MARCHF6: variants seen among roughly 807,000 people sequenced by gnomAD.
MARCHF6 encodes E3 ubiquitin-protein ligase MARCHF6.
A neutral mutation model predicts 133.7 loss-of-function variants in MARCHF6; 31 were observed. That is an observed-to-expected ratio of 0.23 (90% CI 0.17 to 0.31). MARCHF6 has a LOEUF of 0.31. Ranked by LOEUF, MARCHF6 falls within the 10% of genes least tolerant of loss-of-function variation. The pLI, the probability that MARCHF6 is intolerant of heterozygous loss-of-function variation, is 1.00. For missense variants in MARCHF6, 723 were observed against 1,121.6 expected (o/e 0.64, Z 5.08); for synonymous variants, 395 against 402.5 (o/e 0.98, Z 0.22).
At chr5:10,417,515 G>A in intron 22 of MARCHF6, 111 bp downstream of exon 22, 2 of 1,381,678 alleles carry the variant, frequency 1.4e-6, no homozygotes, top group Non-Finnish European at 2.0e-6. Flanking sequence ...GGAGGCTGAG[G>A]TGGGAGGACT....
intron 10 of MARCHF6, among the ~76,000 whole-genome samples, chr5:10,398,739 T>C (rs1738340168): frequency 6.6e-6 from 1 of 152,190 alleles, no homozygotes; most frequent in Admixed American, 6.5e-5. Flanking sequence ...CAAATCTAAG[T>C]AAAGCTTTTT....
rs2126407756 is a variant in MARCHF6, at chr5:10,438,858, CA to C, written c.*5175del. The C allele has an allele frequency of 6.6e-6, 1 of 152,360 alleles. No individual in the cohort carries two copies. The highest frequency in any genetic ancestry group is 2.4e-5 in the African/African-American group (1 of 41,564). 9.4% of individuals were successfully genotyped at this position (152,360 alleles called of 1,614,324 possible). On this transcript the variant is annotated 3_prime_UTR_variant, in exon 26 of 26. Coordinates refer to ENST00000274140, the MANE Select transcript of MARCHF6 (RefSeq NM_005885.4). ...GTAGGTCCCCCTGCCATTACTCTTT[CA>C]GCCTTCTGCAATCTAGTTCTACTTA...
At chr5:10,404,170 T>A (rs968225313) in intron 15 of MARCHF6, among the ~76,000 whole-genome samples, 2 of 151,914 alleles carry the variant, frequency 1.3e-5, no homozygotes, top group Non-Finnish European at 2.9e-5. Context: ...CAAGTTCAAG[T>A]GATTCTCCTG....
At chr5:10,417,745 A>T (rs1422027986) in intron 22 of MARCHF6, among the ~76,000 whole-genome samples, 1 of 150,762 alleles carries the variant, frequency 6.6e-6, no homozygotes, top group African/African-American at 2.4e-5. Flanking sequence ...AAAAGACAAA[A>T]GGAAAAAAAT....
intron 4 of MARCHF6, 108 bp downstream of exon 4, chr5:10,382,051 A>C: frequency 8.7e-7 from 1 of 1,142,998 alleles, no homozygotes; most frequent in Non-Finnish European, 1.3e-6. Flanking sequence ...TAGTTATTTG[A>C]TGTCAGAGTG....
chr5:10,410,219 C>T lies in MARCHF6; in HGVS notation c.1634C>T (p.Thr545Met), dbSNP rs751876922. Residue 545 changes from threonine (T) to methionine (M), a missense_variant, in exon 18 of 26, where the codon ACG becomes ATG. By Grantham distance (81) the Thr-to-Met change is moderately conservative. Around this residue, in one of 4 missense-constraint regions of MARCHF6, gnomAD observed 492 missense variants for 699.5 expected, o/e 0.70. Coordinates refer to ENST00000274140, the MANE Select transcript of MARCHF6 (RefSeq NM_005885.4). ...VLPALLEQGH[T>M]RQWLKGLVRA... ...CCAGCATTACTCGAACAGGGACACACGAGGCAGTGGCTGAAGGGGCTGGTG... is the reference window on the plus strand; with the variant it reads ...CCAGCATTACTCGAACAGGGACACATGAGGCAGTGGCTGAAGGGGCTGGTG... 4.3e-6 allele frequency: 7 copies of T among 1,613,748 alleles called. No homozygotes were observed. In the East Asian group the frequency reaches 6.7e-5, roughly 15 times the overall value.
intron 22 of MARCHF6, among the ~76,000 whole-genome samples, chr5:10,420,869 C>T (rs1045207532): frequency 2.6e-5 from 4 of 152,200 alleles, no homozygotes; most frequent in Admixed American, 2.6e-4. Context: ...ATTAAGATAA[C>T]CATTCACAGA....
intron 19 of MARCHF6, among the ~76,000 whole-genome samples, chr5:10,413,633 G>C (rs1204804890): frequency 6.6e-6 from 1 of 152,226 alleles, no homozygotes; most frequent in Non-Finnish European, 1.5e-5. Flanking sequence ...CATTCACATG[G>C]CTGGGGAGGC....
intron 1 of MARCHF6, among the ~76,000 whole-genome samples, chr5:10,360,060 T>C (rs1735718840): frequency 6.6e-6 from 1 of 152,080 alleles, no homozygotes; most frequent in Non-Finnish European, 1.5e-5. Context: ...TGTATTATGT[T>C]ATGGGAAGGC....
rs548320880 is a variant in MARCHF6 at position 10,433,871 on chromosome 5, T to C, written c.*187T>C. The C allele has an allele frequency of 3.4e-6, 2 of 587,956 alleles. No individual in the cohort carries two copies. Among genetic ancestry groups the C allele is most frequent in the African/African-American group, 3.7e-5 (2 of 53,520 alleles). The allele number at this position is 587,956 out of a possible 1,614,324, so 36.4% of individuals were successfully genotyped here. ...TTCTCCCTGGATCTTCTGACATTAC[T>C]GCTGTCTGAGATTTGTATATGTGTA... On this transcript the variant is annotated 3_prime_UTR_variant, in exon 26 of 26. Coordinates refer to ENST00000274140, the MANE Select transcript of MARCHF6 (RefSeq NM_005885.4).
At chr5:10,387,092 T>C in intron 5 of MARCHF6, 26 bp downstream of exon 5, 1 of 1,526,244 alleles carries the variant, frequency 6.6e-7, no homozygotes, top group Non-Finnish European at 9.0e-7. Context: ...CTGTGACGAA[T>C]GTTGCATGAT....
chr5:10,380,679 A>G (rs1737080582), intron 3 of MARCHF6, among the ~76,000 whole-genome samples: 1 of 152,166 alleles, frequency 6.6e-6, no homozygotes, highest in South Asian at 2.1e-4. Context: ...TAATTCCAGC[A>G]CTTTGAAAGG....
In MARCHF6 at chr5:10,435,437, C is replaced by T. The variant is rs1450981993; in HGVS notation, c.*1753C>T. 6.7e-6 allele frequency: 1 copy of T among 149,778 alleles called. No individual in the cohort carries two copies. The highest frequency in any genetic ancestry group is 1.5e-5 in the Non-Finnish European group (1 of 67,588). 9.3% of individuals were successfully genotyped at this position (149,778 alleles called of 1,614,324 possible). ...GCTTGACATAGGATTCAGTGTTATA[C>T]TCTTTGGCACTTTAGAGCAGCCTTT... On this transcript the variant is annotated 3_prime_UTR_variant, in exon 26 of 26. Coordinates refer to ENST00000274140, the MANE Select transcript of MARCHF6 (RefSeq NM_005885.4).
At chr5:10,398,867 G>T (rs1250424080) in intron 10 of MARCHF6, among the ~76,000 whole-genome samples, 2 of 152,024 alleles carry the variant, frequency 1.3e-5, no homozygotes, top group African/African-American at 4.8e-5. Flanking sequence ...CTTCCATTAG[G>T]AACATACTTT....
In MARCHF6 at chr5:10,353,747, T is replaced by A; in HGVS notation, c.-152T>A. The A allele has an allele frequency of 3.1e-6, 1 of 322,756 alleles. No individual in the cohort carries two copies. Among genetic ancestry groups the A allele is most frequent in the Non-Finnish European group, 6.1e-6 (1 of 164,068 alleles). 20.0% of individuals were successfully genotyped at this position (322,756 alleles called of 1,614,324 possible). A position where few individuals can be genotyped will look rare whatever the true frequency, so the allele number is the denominator to read the frequency against. ...CTCGCTTTCTGTCAGCCTCTCTCCC[T>A]CTCCCTCTCCCCTCTCCTTCCTCTC... On this transcript the variant is annotated 5_prime_UTR_variant, in exon 1 of 26. Transcript: ENST00000274140.
At chr5:10,367,689 T>C (rs1472764206) in intron 1 of MARCHF6, among the ~76,000 whole-genome samples, 2 of 152,124 alleles carry the variant, frequency 1.3e-5, no homozygotes, top group Admixed American at 6.5e-5. Flanking sequence ...ACAGTGGTGG[T>C]GGTTTTCTTT....
intron 15 of MARCHF6, among the ~76,000 whole-genome samples, chr5:10,404,792 A>G (rs1738781182): frequency 6.6e-6 from 1 of 152,228 alleles, no homozygotes; most frequent in African/African-American, 2.4e-5. Context: ...GTATAATTTC[A>G]GTAAATTCTC....
chr5:10,386,216 G>A (rs1737470049), intron 4 of MARCHF6, among the ~76,000 whole-genome samples: 1 of 151,940 alleles, frequency 6.6e-6, no homozygotes. Context: ...TTTTGACTTG[G>A]TTTTGAAAAC....
chr5:10,380,067 C>A (rs1737036124), intron 3 of MARCHF6, among the ~76,000 whole-genome samples: 2 of 152,052 alleles, frequency 1.3e-5, no homozygotes, highest in African/African-American at 2.4e-5. Context: ...GAGGACTGTG[C>A]TGGCAAGTTA....
Sources: gnomAD v4.1 joint callset for allele counts (sites outside exome capture counted in the v4.1 genomes callset) on GRCh38, gnomAD v4.1.1 for gene constraint, gnomAD v4.1.1 regional missense constraint, MANE v1.5 for transcripts, NCBI Gene and HGNC (gene_info 2026-07-23, HGNC 2026-07-21) for gene names.